The following SBNO1 variants were observed in gnomAD, a reference collection of about 807,000 sequenced individuals.
The protein encoded by SBNO1 is protein strawberry notch homolog 1.
Under a neutral mutation model 173.6 loss-of-function variants are expected in SBNO1, and 23 were observed. The observed-to-expected ratio is 0.13, with a 90% confidence interval of 0.10 to 0.19. The LOEUF is 0.19. SBNO1 is among the 10% of genes least tolerant of loss of function. The pLI is 1.00. For missense variants in SBNO1, 1,238 were observed against 1,671.2 expected (o/e 0.74, Z 4.52); for synonymous variants, 632 against 571.5 (o/e 1.11, Z -1.51).
At chr12:123,319,852 T>C (rs773687889) in intron 20 of SBNO1, 48 bp downstream of exon 20, 2 of 1,546,758 alleles carry the variant, frequency 1.3e-6, no homozygotes, top group East Asian at 2.2e-5. Flanking sequence ...TTAATCTAAA[T>C]ATACAGGCAT....
chr12:123,321,252 T>C (rs923170546), intron 17 of SBNO1, among the ~76,000 whole-genome samples: 1 of 152,172 alleles, frequency 6.6e-6, no homozygotes, highest in East Asian at 1.9e-4. Context: ...ATTTTTTATA[T>C]TGTTAACTGA....
At position 123,323,768 on chromosome 12, in the gene SBNO1, A is replaced by G. The variant is rs1593363353; in HGVS notation, c.2037T>C (p.Ser679=). 5.6e-6 allele frequency: 9 copies of G among 1,612,992 alleles called. No homozygotes were observed. In the East Asian group the frequency reaches 1.8e-4, roughly 32 times the overall value. The change falls in exon 16 of 32, where the codon AGT becomes AGC. Residue 679 remains serine (S), a synonymous_variant. Transcript: ENST00000602398. ...GAGCTGTCAAATCGATTCCTAGTAA[A>G]CTATAAAGTTTTTTCCTGTCTGGAG... The part of the protein sequence containing the change: ...FPAPDRKKLY[S]LLGIDLTAPS...
Position 123,320,562 on chromosome 12 carries a change from T to A in SBNO1, c.2537A>T (p.Asp846Val), listed in dbSNP as rs781607097. 1.2e-6 allele frequency: 2 copies of A among 1,614,038 alleles called. No individual in the cohort carries two copies. Among genetic ancestry groups the A allele is most frequent in the East Asian group, 2.2e-5 (1 of 44,900 alleles). Reference protein sequence around the residue: ...NSNSSLITSQDAVERAQQMKK... With the variant: ...NSNSSLITSQVAVERAQQMKK... ...CATCTGCTGAGCCCTTTCCACAGCA[T>A]CCTGACTTGTTATAAGGCTACTGTT... Residue 846 changes from aspartate (D) to valine (V), a missense_variant, in exon 19 of 32, where the codon GAT (aspartate) becomes GTT (valine). Physicochemically the swap from Asp to Val is radical, Grantham distance 152. This residue lies in a region of SBNO1 where 74 missense variants were observed against 68.5 expected (regional missense o/e 1.08). Coordinates refer to ENST00000602398, the MANE Select transcript of SBNO1 (RefSeq NM_001167856.3).
At chr12:123,330,296 T>TTC (rs1871067056) in intron 9 of SBNO1, 123 bp downstream of exon 9, 6 of 657,870 alleles carry the variant, frequency 9.1e-6, no homozygotes, top group Non-Finnish European at 1.3e-5. Flanking sequence ...TCACTATGCT[T>TTC]TCTGTGGAGT....
intron 28 of SBNO1, among the ~76,000 whole-genome samples, chr12:123,305,874 A>G (rs1387608980): frequency 6.6e-6 from 1 of 152,198 alleles, no homozygotes; most frequent in Non-Finnish European, 1.5e-5. Context: ...TGGAAAATTC[A>G]TTTCTTCTTT....
intron 9 of SBNO1, among the ~76,000 whole-genome samples, chr12:123,329,252 G>T (rs925701309): frequency 6.6e-6 from 1 of 152,014 alleles, no homozygotes; most frequent in Non-Finnish European, 1.5e-5. Flanking sequence ...ATCGTGGTGC[G>T]TGTCTGCAGT....
chr12:123,360,899 T>C (rs1234639686), intron 1 of SBNO1, among the ~76,000 whole-genome samples: 1 of 151,822 alleles, frequency 6.6e-6, no homozygotes. Flanking sequence ...GATCACGAGG[T>C]CAGGAGATCG....
At chr12:123,335,064 AC>A (rs1871678327) in intron 6 of SBNO1, among the ~76,000 whole-genome samples, 2 of 152,180 alleles carry the variant, frequency 1.3e-5, no homozygotes, top group East Asian at 3.9e-4. Flanking sequence ...TGGTGGTGGG[AC>A]CTGTGGTCCG....
intron 3 of SBNO1, among the ~76,000 whole-genome samples, chr12:123,347,419 G>A (rs1263787394): frequency 2.6e-5 from 4 of 151,528 alleles, no homozygotes; most frequent in Admixed American, 2.0e-4. Context: ...GTAGAGACGG[G>A]GTTTCACCAT....
Position 123,296,060 on chromosome 12 carries a change from G to A in SBNO1, c.4040-10C>T, listed in dbSNP as rs747812091. On this transcript the variant is annotated splice_polypyrimidine_tract_variant and intron_variant, in intron 31 of 31. Transcript: ENST00000602398. ...GCCGGAATGATCAAACCTGTAATTA[G>A]TAACAAGAATTTATCAAGTTGTGTC... The A allele has an allele frequency of 3.8e-6, 6 of 1,584,478 alleles. No homozygotes were observed. The African/African-American group carries it at 5.4e-5, about 14-fold the overall frequency.
chr12:123,364,790 C>A lies in SBNO1; in HGVS notation c.-90G>T. ...GCGACTGGAGCGGAGGCGGCGGTGG[C>A]GGCGGCAGCAGCGGCGTCCTGCTCT... is the stretch of plus-strand genomic sequence containing the variant. On this transcript the variant is annotated 5_prime_UTR_variant, in exon 1 of 32. Transcript: ENST00000602398. 1 of 987,420 alleles carries A rather than the reference C, an allele frequency of 1.0e-6. No individual in the cohort carries two copies. The allele number at this position is 987,420 out of a possible 1,614,324, so 61.2% of individuals were successfully genotyped here.
chr12:123,347,779 C>T (rs924229728), intron 3 of SBNO1, among the ~76,000 whole-genome samples: 1 of 152,128 alleles, frequency 6.6e-6, no homozygotes, highest in Non-Finnish European at 1.5e-5. Flanking sequence ...AAGTGATCCA[C>T]CCACCTTGGC....
In SBNO1 at chr12:123,297,966, A is replaced by T. The variant is rs745817689; in HGVS notation, c.4039+12T>A. Reference sequence around the variant, plus strand: ...TTCCTGCAACTCAAACCAAAACAAAAATTAGACTCACCTACAATCCGTTGC... The same window carrying T: ...TTCCTGCAACTCAAACCAAAACAAATATTAGACTCACCTACAATCCGTTGC... On this transcript the variant is annotated intron_variant, in intron 31 of 31. Transcript: ENST00000602398. The T allele has an allele frequency of 1.9e-6, 3 of 1,608,802 alleles. No homozygotes were observed. The Admixed American group carries it at 5.2e-5, about 28-fold the overall frequency.
intron 30 of SBNO1, among the ~76,000 whole-genome samples, chr12:123,300,432 C>A (rs1420207965): frequency 6.6e-6 from 1 of 152,072 alleles, no homozygotes; most frequent in East Asian, 1.9e-4. Flanking sequence ...CAGAGGCAGG[C>A]GGATCACGAG....
intron 6 of SBNO1, among the ~76,000 whole-genome samples, chr12:123,334,901 T>C (rs1235848945): frequency 6.6e-6 from 1 of 152,184 alleles, no homozygotes; most frequent in African/African-American, 2.4e-5. Context: ...TACAATTTTA[T>C]TTTGAGGCTA....
At chr12:123,307,223 C>T (rs1451500272) in intron 28 of SBNO1, among the ~76,000 whole-genome samples, 1 of 151,828 alleles carries the variant, frequency 6.6e-6, no homozygotes, top group African/African-American at 2.4e-5. Flanking sequence ...CCAAAAAACC[C>T]CAACTCAACT....
Position 123,293,546 on chromosome 12 carries a change from C to T in SBNO1, c.*2362G>A, listed in dbSNP as rs528082127. 6.6e-6 allele frequency: 1 copy of T among 152,252 alleles called. No homozygotes were observed. The highest frequency in any genetic ancestry group is 1.9e-4 in the East Asian group (1 of 5,192). The allele number at this position is 152,252 out of a possible 1,614,324, so 9.4% of individuals were successfully genotyped here. On this transcript the variant is annotated 3_prime_UTR_variant, in exon 32 of 32. Transcript: ENST00000602398. ...AGCCTGGGCATGCAGCACCCCAGCT[C>T]CCATCCATTCACACTGGTTGCCTTT...
Position 123,294,662 on chromosome 12 carries a change from GA to G in SBNO1, c.*1245del, listed in dbSNP as rs1167837750. 6 of 83,712 alleles carry G rather than the reference GA, an allele frequency of 7.2e-5. No homozygotes were observed. The highest frequency in any genetic ancestry group is 7.4e-4 in the South Asian group (2 of 2,712). The allele number at this position is 83,712 out of a possible 1,614,324, so 5.2% of individuals were successfully genotyped here. On this transcript the variant is annotated 3_prime_UTR_variant, in exon 32 of 32. Coordinates refer to ENST00000602398, the MANE Select transcript of SBNO1 (RefSeq NM_001167856.3). ...AAAAAAAAAAAAAAAAAAAAAAAAA[GA>G]AAAAAAGAAAAGAAAGAAAAAGAAA...
chr12:123,302,238 GTTTTT>G (rs1222921851), intron 30 of SBNO1, among the ~76,000 whole-genome samples: 3 of 113,018 alleles, frequency 2.7e-5, no homozygotes, highest in South Asian at 3.1e-4. Context: ...TGGCCTTATT[GTTTTT>G]TTTTTTGTTT....
Sources: allele counts gnomAD v4.1 joint callset (sites outside exome capture counted in the v4.1 genomes callset), GRCh38; gene constraint gnomAD v4.1.1; regional missense constraint gnomAD v4.1.1; transcripts MANE v1.5; gene names NCBI Gene and HGNC (gene_info 2026-07-23, HGNC 2026-07-21).